Variants in CEP192 observed in about 807,000 individuals in gnomAD.
The protein encoded by CEP192 is centrosomal protein 192.
A neutral mutation model predicts 271.8 loss-of-function variants in CEP192; 151 were observed. The observed-to-expected ratio is 0.56, with a 90% CI of 0.49 to 0.64. CEP192 has a LOEUF of 0.64. Ranked by LOEUF, CEP192 falls within the 30% of genes least tolerant of loss-of-function variation. The pLI, the probability that CEP192 is intolerant of heterozygous loss-of-function variation, is 0.00. For synonymous variants in CEP192, 995 were observed against 1,076.5 expected, an observed-to-expected ratio of 0.92 and a Z score of 1.48; for missense variants, 2,910 against 3,020.5, an observed-to-expected ratio of 0.96 and a Z score of 0.86.
At chr18:13,042,438 T>G in intron 15 of CEP192, 104 bp downstream of exon 15, 1 of 1,201,210 alleles carries the variant, frequency 8.3e-7, no homozygotes, top group South Asian at 1.5e-5. Context: ...TTTAACATCT[T>G]TTCTTTCCTG....
chr18:13,066,464 T>C (rs1006483510), intron 21 of CEP192, among the ~76,000 whole-genome samples: 1 of 152,208 alleles, frequency 6.6e-6, no homozygotes, highest in South Asian at 2.1e-4. Flanking sequence ...TAATGTGAGC[T>C]CACATTCATT....
At chr18:13,060,817 A>G (rs1231317834) in intron 21 of CEP192, among the ~76,000 whole-genome samples, 2 of 152,184 alleles carry the variant, frequency 1.3e-5, no homozygotes, top group Admixed American at 6.5e-5. Context: ...CCAACTACTC[A>G]AGAAGCTAAG....
rs2034699904 is a variant in CEP192 at position 13,017,181 on chromosome 18, T to C, written c.641-7T>C. On this transcript the variant is annotated splice_region_variant and splice_polypyrimidine_tract_variant and intron_variant, in intron 6 of 44. Transcript: ENST00000506447. ...CATGTCCTGTTTTTTCTCGATTTTA[T>C]CAATAGATGATGATATTGATGATGA... is the stretch of plus-strand genomic sequence containing the variant. 5 of 1,531,996 alleles carry C rather than the reference T, an allele frequency of 3.3e-6. No homozygotes were observed. Among genetic ancestry groups the C allele is most frequent in the Non-Finnish European group, 4.4e-6 (5 of 1,140,564 alleles). The allele number at this position is 1,531,996 out of a possible 1,614,324, so 94.9% of individuals were successfully genotyped here.
chr18:13,017,825 C>A (rs2034744718), intron 7 of CEP192, among the ~76,000 whole-genome samples: 1 of 152,160 alleles, frequency 6.6e-6, no homozygotes, highest in African/African-American at 2.4e-5. Flanking sequence ...ATCCTTTATT[C>A]TTACTATTTT....
rs573527180 is a variant in CEP192, at chr18:13,056,639, C to T, written c.4049C>T (p.Pro1350Leu). 96 of 1,613,694 alleles carry T rather than the reference C, an allele frequency of 5.9e-5. 1 individual carries two copies. The South Asian group carries it at 8.2e-4, about 14-fold the overall frequency. The change falls in exon 19 of 45, where the codon CCG becomes CTG. Residue 1350 changes from proline to leucine, a missense_variant. Physicochemically the swap from Pro to Leu is moderately conservative, Grantham distance 98. Transcript: ENST00000506447. The stretch of plus-strand genomic sequence containing the variant: ...AGCACAACAAAACCTTTTCCTGTGC[C>T]GTCTGTTGGTACAAACTGTGGAATT... Reference protein sequence around the residue: ...LLSTTKPFPVPSVGTNCGIEP... With the variant: ...LLSTTKPFPVLSVGTNCGIEP...
intron 40 of CEP192, among the ~76,000 whole-genome samples, chr18:13,105,850 G>A (rs1187048193): frequency 6.6e-6 from 1 of 152,286 alleles, no homozygotes; most frequent in East Asian, 1.9e-4. Flanking sequence ...ATAAAGTTCA[G>A]TGTATGAGGC....
intron 2 of CEP192, among the ~76,000 whole-genome samples, 175 bp from the exon 3 acceptor site, chr18:13,001,282 A>G (rs752488770): frequency 5.9e-5 from 9 of 152,158 alleles, no homozygotes; most frequent in African/African-American, 9.7e-5. Flanking sequence ...TAAACTCCCT[A>G]TTGCCAAGCC....
At chr18:12,997,192 T>C (rs962763057) in intron 1 of CEP192, among the ~76,000 whole-genome samples, 18 of 151,992 alleles carry the variant, frequency 1.2e-4, no homozygotes, top group Admixed American at 1.0e-3. Flanking sequence ...GACAGGGGCA[T>C]GGACACTTCA....
At chr18:13,094,215 A>G (rs2039282750) in intron 34 of CEP192, among the ~76,000 whole-genome samples, 1 of 152,246 alleles carries the variant, frequency 6.6e-6, no homozygotes, top group African/African-American at 2.4e-5. Context: ...TGTAAAACTA[A>G]TGAATATCTT....
chr18:13,104,913 G>C, intron 39 of CEP192, 71 bp from the exon 40 acceptor site: 1 of 1,108,790 alleles, frequency 9.0e-7, no homozygotes, highest in East Asian at 2.3e-5. Flanking sequence ...AGCCATAGAG[G>C]TAATAGTGTC....
In CEP192 at chr18:13,008,565, G is replaced by C. The variant is rs769452990; in HGVS notation, c.400G>C (p.Gly134Arg). The C allele has an allele frequency of 3.2e-6, 5 of 1,551,488 alleles. No homozygotes were observed. Among genetic ancestry groups the C allele is most frequent in the Non-Finnish European group, 4.4e-6 (5 of 1,146,940 alleles). ...ETAGPEEEPA[G>R]ATESLQGQDL... ...AGCAGGACCAGAAGAGGAGCCAGCC[G>C]GAGCTACAGAATCCTTGCAGGGCCA... The change falls in exon 4 of 45, where the codon GGA becomes CGA. Residue 134 changes from glycine (G) to arginine (R), a missense_variant. Coordinates refer to ENST00000506447, the MANE Select transcript of CEP192 (RefSeq NM_032142.4).
intron 21 of CEP192, 31 bp downstream of exon 21, chr18:13,059,343 C>T: frequency 6.4e-7 from 1 of 1,556,806 alleles, no homozygotes; most frequent in Non-Finnish European, 8.9e-7. Flanking sequence ...CTTTGTCATA[C>T]CTGGCATTTT....
At chr18:13,071,871 A>G (rs907019936) in intron 28 of CEP192, among the ~76,000 whole-genome samples, 1 of 152,140 alleles carries the variant, frequency 6.6e-6, no homozygotes, top group Non-Finnish European at 1.5e-5. Context: ...CATTTAACTG[A>G]TGATATGACT....
In CEP192 at chr18:13,091,382, C is replaced by CTA. The variant is rs568631510; in HGVS notation, c.6104-991_6104-990dup. Among the ~76,000 whole-genome samples the CTA allele has an allele frequency of 5.9e-3, 905 of 152,276 alleles. 7 individuals are homozygous for CTA. Among genetic ancestry groups the CTA allele is most frequent in the African/African-American group, 0.021 (871 of 41,542 alleles). On this transcript the variant is annotated intron_variant, in intron 33 of 44. Transcript: ENST00000506447. ...CACCAGAATTTCACCTCAAGGAATA[C>CTA]TATATTCCTTGTGATTATAAGTTTA... is the stretch of plus-strand genomic sequence containing the variant.
chr18:13,113,508 A>G, intron 40 of CEP192, 78 bp from the exon 41 acceptor site: 1 of 1,411,990 alleles, frequency 7.1e-7, no homozygotes, highest in African/African-American at 1.5e-5. Flanking sequence ...TTTCATACCA[A>G]ATCTTTGAAC....
chr18:13,030,663 A>C (rs1240704159), intron 11 of CEP192, 55 bp downstream of exon 11: 2 of 1,399,500 alleles, frequency 1.4e-6, no homozygotes, highest in African/African-American at 2.8e-5. Flanking sequence ...TGATCTTTCT[A>C]AGATTACTGT....
chr18:13,112,806 C>T (rs1269827182), intron 40 of CEP192, among the ~76,000 whole-genome samples: 2 of 152,168 alleles, frequency 1.3e-5, no homozygotes, highest in African/African-American at 4.8e-5. Flanking sequence ...AGAAATTAGG[C>T]CACCTATGTG....
intron 1 of CEP192, among the ~76,000 whole-genome samples, chr18:12,996,116 T>C (rs756636537): frequency 5.4e-5 from 8 of 149,528 alleles, no homozygotes; most frequent in Non-Finnish European, 1.0e-4. Context: ...GAGAGTAGAC[T>C]AGGGGAGGCA....
chr18:13,096,376 A>AATGATCTAAAGATC, intron 36 of CEP192, 69 bp downstream of exon 36: 1 of 1,569,318 alleles, frequency 6.4e-7, no homozygotes, highest in Admixed American at 1.8e-5. Context: ...TAAAGATCAA[A>AATGATCTAAAGATC]TAATATGTCA....
Sources: allele counts gnomAD v4.1 joint callset (sites outside exome capture counted in the v4.1 genomes callset), GRCh38; gene constraint gnomAD v4.1.1; transcripts MANE v1.5; gene names NCBI Gene and HGNC (gene_info 2026-07-23, HGNC 2026-07-21).